CADPS: variants seen among roughly 807,000 people sequenced by gnomAD.
CADPS encodes the protein calcium-dependent secretion activator 1.
In CADPS, 57 loss-of-function variants were observed where a neutral mutation model predicts 167.3. That is an observed-to-expected ratio of 0.34 (90% CI 0.28 to 0.42). The LOEUF (loss-of-function observed/expected upper bound fraction) is 0.42. CADPS is among the 20% of genes least tolerant of loss of function. The pLI is 1.00. For missense variants in CADPS, 1,414 were observed against 1,738.1 expected, an observed-to-expected ratio of 0.81 and a Z score of 3.32; for synonymous variants, 676 against 635.3, an observed-to-expected ratio of 1.06 and a Z score of -0.96.
At chr3:62,436,720 T>TA (rs1468702050) in intron 28 of CADPS, among the ~76,000 whole-genome samples, 1 of 152,176 alleles carries the variant, frequency 6.6e-6, no homozygotes, top group Non-Finnish European at 1.5e-5. Flanking sequence ...TATAATGTGA[T>TA]AAAACATTTG....
intron 1 of CADPS, among the ~76,000 whole-genome samples, chr3:62,777,092 C>G (rs2090486234): frequency 6.6e-6 from 1 of 152,186 alleles, no homozygotes; most frequent in South Asian, 2.1e-4. Context: ...TTCCATTTGG[C>G]TGGAGCTCAG....
intron 1 of CADPS, among the ~76,000 whole-genome samples, chr3:62,766,761 T>C (rs1559526784): frequency 1.3e-5 from 2 of 152,184 alleles, no homozygotes; most frequent in Admixed American, 1.3e-4. Context: ...CTTATCTGGC[T>C]CTATCATGCC....
intron 2 of CADPS, among the ~76,000 whole-genome samples, chr3:62,757,477 A>G (rs1018513943): frequency 2.6e-5 from 4 of 152,148 alleles, no homozygotes; most frequent in African/African-American, 9.7e-5. Context: ...GAATGAGTGA[A>G]TGAACTATAA....
intron 2 of CADPS, among the ~76,000 whole-genome samples, chr3:62,758,301 C>T (rs1247050778): frequency 6.6e-6 from 1 of 152,108 alleles, no homozygotes; most frequent in Non-Finnish European, 1.5e-5. Context: ...GATACAACTG[C>T]CAGATCCCAG....
intron 8 of CADPS, among the ~76,000 whole-genome samples, chr3:62,583,773 T>C (rs1479299388): frequency 1.0e-4 from 1 of 9,902 alleles, no homozygotes; most frequent in Non-Finnish European, 8.9e-3. Context: ...CTCTGGAACC[T>C]TGGGCTTTTT....
At chr3:62,647,654 T>A (rs2068893581) in intron 5 of CADPS, among the ~76,000 whole-genome samples, 1 of 152,156 alleles carries the variant, frequency 6.6e-6, no homozygotes. Context: ...ACGATGCACA[T>A]AAGTGAACAT....
intron 6 of CADPS, among the ~76,000 whole-genome samples, chr3:62,630,648 C>A (rs961519947): frequency 6.6e-6 from 1 of 152,164 alleles, no homozygotes; most frequent in African/African-American, 2.4e-5. Flanking sequence ...AGCCACCATG[C>A]AGTTTCTTTT....
At chr3:62,800,836 C>T (rs2093717278) in intron 1 of CADPS, among the ~76,000 whole-genome samples, 1 of 152,162 alleles carries the variant, frequency 6.6e-6, no homozygotes, top group East Asian at 1.9e-4. Flanking sequence ...AACGCGTTTA[C>T]AAAACATTCG....
At chr3:62,400,878 G>A (rs771081508) in intron 29 of CADPS, among the ~76,000 whole-genome samples, 5 of 152,192 alleles carry the variant, frequency 3.3e-5, no homozygotes, top group Non-Finnish European at 5.9e-5. Flanking sequence ...GATTACGGGC[G>A]TGAGCCATCG....
At position 62,511,016 on chromosome 3, in the gene CADPS, C is replaced by G. The variant is rs1297428406; in HGVS notation, c.2599+1735G>C. Among the ~76,000 whole-genome samples the G allele has an allele frequency of 2.0e-5, 3 of 152,158 alleles. No individual in the cohort carries two copies. In the East Asian group the frequency reaches 5.8e-4, roughly 29 times the overall value. The stretch of plus-strand genomic sequence containing the variant: ...CTATTCCCTCTCTTCAGTCCTTTCT[C>G]TTAATTCCTGCTAGCGTGATTTTTC... On this transcript the variant is annotated intron_variant, in intron 17 of 29. Transcript: ENST00000383710.
At chr3:62,415,098 C>T (rs564728687) in intron 28 of CADPS, among the ~76,000 whole-genome samples, 50 of 151,956 alleles carry the variant, frequency 3.3e-4, no homozygotes, top group African/African-American at 1.1e-3. Context: ...CCACCCTCCC[C>T]GCCCCATACT....
intron 4 of CADPS, among the ~76,000 whole-genome samples, chr3:62,660,925 G>A (rs1190926512): frequency 6.6e-6 from 1 of 152,186 alleles, no homozygotes. Flanking sequence ...AGCTGAGGGT[G>A]TGCCACAATC....
chr3:62,811,182 T>G (rs1173436860), intron 1 of CADPS, among the ~76,000 whole-genome samples: 2 of 152,130 alleles, frequency 1.3e-5, no homozygotes, highest in South Asian at 2.1e-4. Context: ...AGTCAAATGC[T>G]CCACAAGATT....
At chr3:62,713,226 A>G (rs139599812) in intron 3 of CADPS, among the ~76,000 whole-genome samples, 251 of 152,188 alleles carry the variant, frequency 1.6e-3, no homozygotes, top group African/African-American at 5.5e-3. Flanking sequence ...TGTTGCCCAG[A>G]CCATTTCTCC....
At chr3:62,864,343 G>T (rs1275482681) in intron 1 of CADPS, among the ~76,000 whole-genome samples, 1 of 152,208 alleles carries the variant, frequency 6.6e-6, no homozygotes, top group Non-Finnish European at 1.5e-5. Flanking sequence ...TAGGGATGAA[G>T]TTGCTGAGAC....
intron 6 of CADPS, among the ~76,000 whole-genome samples, chr3:62,593,961 A>G (rs886853557): frequency 3.9e-5 from 6 of 152,138 alleles, no homozygotes; most frequent in Non-Finnish European, 5.9e-5. Flanking sequence ...TGCTAGACAT[A>G]TAGAAGGAAC....
At chr3:62,803,849 TCA>T (rs1189853849) in intron 1 of CADPS, among the ~76,000 whole-genome samples, 1 of 152,120 alleles carries the variant, frequency 6.6e-6, no homozygotes, top group African/African-American at 2.4e-5. Flanking sequence ...CTACATCCTC[TCA>T]CCAGTGAAGC....
At chr3:62,571,008 G>T (rs1006285260) in intron 8 of CADPS, 70 bp from the exon 9 acceptor site, 126 of 1,012,834 alleles carry the variant, frequency 1.2e-4, no homozygotes, top group Non-Finnish European at 1.8e-4. Flanking sequence ...ACACTTTGCC[G>T]TGAAGCTTGG....
At chr3:62,688,686 G>A (rs965995020) in intron 3 of CADPS, among the ~76,000 whole-genome samples, 1 of 151,970 alleles carries the variant, frequency 6.6e-6, no homozygotes, top group African/African-American at 2.4e-5. Flanking sequence ...ATCATCTCTT[G>A]TTGCCAAAGT....
Sources: gnomAD v4.1 joint callset for allele counts (sites outside exome capture counted in the v4.1 genomes callset) on GRCh38, gnomAD v4.1.1 for gene constraint, MANE v1.5 for transcripts, NCBI Gene and HGNC (gene_info 2026-07-23, HGNC 2026-07-21) for gene names.